The following SIMC1 variants were observed in gnomAD, a reference collection of about 807,000 sequenced individuals.
SIMC1 encodes SUMO interacting motifs containing 1.
Under a neutral mutation model 82.3 loss-of-function variants are expected in SIMC1, and 55 were observed. The observed-to-expected ratio is 0.67, with a 90% CI of 0.54 to 0.84. SIMC1 has a LOEUF of 0.84. Among genes scored for constraint, SIMC1 ranks in the 40% least tolerant of loss-of-function variants. SIMC1 has a pLI of 0.00. For synonymous variants in SIMC1, 353 were observed against 426.3 expected (o/e 0.83, Z 2.12); for missense variants, 915 against 1,107.2 (o/e 0.83, Z 2.46).
intron 4 of SIMC1, among the ~76,000 whole-genome samples, chr5:176,301,937 G>T (rs1353868041): frequency 2.0e-5 from 3 of 152,156 alleles, no homozygotes; most frequent in African/African-American, 7.2e-5. Flanking sequence ...ACTACATGGG[G>T]GGACTGGTTC....
intron 7 of SIMC1, among the ~76,000 whole-genome samples, chr5:176,325,974 A>G (rs117975025): frequency 1.3e-5 from 2 of 152,352 alleles, no homozygotes; most frequent in East Asian, 3.9e-4. Flanking sequence ...AGGGATAAAG[A>G]AATGGTTTTT....
At chr5:176,334,993 AG>A (rs1765820674) in intron 7 of SIMC1, among the ~76,000 whole-genome samples, 1 of 150,146 alleles carries the variant, frequency 6.7e-6, no homozygotes, top group African/African-American at 2.5e-5. Flanking sequence ...CAGGAGGCTG[AG>A]GTAGGAGAAT....
At chr5:176,279,950 G>T (rs958951655) in intron 1 of SIMC1, among the ~76,000 whole-genome samples, 3 of 152,208 alleles carry the variant, frequency 2.0e-5, no homozygotes, top group Non-Finnish European at 4.4e-5. Context: ...TGTATATTCT[G>T]TTGATTTGGG....
chr5:176,277,966 T>C (rs563229709), intron 1 of SIMC1, among the ~76,000 whole-genome samples: 16,503 of 145,728 alleles, frequency 0.11, 871 homozygotes, highest in Admixed American at 0.14. Flanking sequence ...TTTAAAGTAG[T>C]TTTTTCCAAT....
rs1279387563 is a variant in SIMC1 at position 176,275,187 on chromosome 5, T to C, written c.130-14467T>C. On this transcript the variant is annotated intron_variant, in intron 1 of 9. Coordinates refer to ENST00000429602, the MANE Select transcript of SIMC1 (RefSeq NM_001308195.2). The stretch of plus-strand genomic sequence containing the variant: ...TTTGTAGTTCTCCTTGAAGAGGTCC[T>C]TCACGTCCCTTGTAAGTTGGATTCC... 4.9e-4 allele frequency among the ~76,000 whole-genome samples: 74 copies of C among 151,738 alleles called. 1 individual carries two copies. Among genetic ancestry groups the C allele is most frequent in the Admixed American group, 4.9e-3 (74 of 15,254 alleles).
chr5:176,274,312 A>C lies in SIMC1; in HGVS notation c.130-15342A>C, dbSNP rs1243661809. ...GCTGCATAAATGTCTTCTTTTGAGA[A>C]GTGTCTGTTCATGTCCTTCGCCCAC... On this transcript the variant is annotated intron_variant, in intron 1 of 9. Transcript: ENST00000429602. 2.9e-3 allele frequency among the ~76,000 whole-genome samples: 419 copies of C among 146,936 alleles called. 3 individuals are homozygous for C. Among genetic ancestry groups the C allele is most frequent in the African/African-American group, 9.9e-3 (395 of 40,024 alleles).
chr5:176,262,184 A>G (rs1370193652), intron 1 of SIMC1, among the ~76,000 whole-genome samples: 1 of 151,514 alleles, frequency 6.6e-6, no homozygotes, highest in South Asian at 2.1e-4. Flanking sequence ...AATTAAATCC[A>G]TTAATGCAAT....
chr5:176,306,286 G>T (rs1413894618), intron 4 of SIMC1, among the ~76,000 whole-genome samples: 1 of 134,648 alleles, frequency 7.4e-6, no homozygotes, highest in Non-Finnish European at 1.7e-5. Flanking sequence ...CCGGGAGGGA[G>T]GTGGGGGGGT....
At chr5:176,279,760 C>G (rs936987124) in intron 1 of SIMC1, among the ~76,000 whole-genome samples, 4 of 151,406 alleles carry the variant, frequency 2.6e-5, no homozygotes, top group African/African-American at 9.7e-5. Flanking sequence ...GCAGGTTGTT[C>G]AGTTTCCATG....
intron 9 of SIMC1, among the ~76,000 whole-genome samples, chr5:176,338,507 T>G (rs1020852822): frequency 2.6e-5 from 4 of 152,140 alleles, no homozygotes; most frequent in Admixed American, 2.0e-4. Flanking sequence ...TTTAGTAGAT[T>G]AGATAACATT....
intron 1 of SIMC1, among the ~76,000 whole-genome samples, chr5:176,269,139 A>C (rs1269465641): frequency 2.6e-5 from 4 of 152,194 alleles, no homozygotes; most frequent in African/African-American, 4.8e-5. Context: ...AAAAGAAAAA[A>C]GTCTAAACCT....
intron 1 of SIMC1, among the ~76,000 whole-genome samples, chr5:176,253,434 G>T (rs367769623): frequency 2.0e-5 from 3 of 151,928 alleles, no homozygotes; most frequent in Admixed American, 1.3e-4. Flanking sequence ...GCCTAGTCTC[G>T]AACTCCTGAC....
At chr5:176,300,613 C>A (rs1307154717) in intron 4 of SIMC1, among the ~76,000 whole-genome samples, 1 of 151,966 alleles carries the variant, frequency 6.6e-6, no homozygotes, top group Non-Finnish European at 1.5e-5. Context: ...TGAGCCACTG[C>A]ACCCAGCCAC....
At chr5:176,276,372 T>C (rs1762696932) in intron 1 of SIMC1, among the ~76,000 whole-genome samples, 1 of 151,664 alleles carries the variant, frequency 6.6e-6, no homozygotes, top group South Asian at 2.1e-4. Context: ...TTTTTTTCTT[T>C]ATTAGTCTTG....
In SIMC1 at chr5:176,309,433, A is replaced by G. The variant is rs191853801; in HGVS notation, c.1735-4258A>G. Among the ~76,000 whole-genome samples, 20 of 152,360 alleles carry G rather than the reference A, an allele frequency of 1.3e-4. No homozygotes were observed. The East Asian group carries it at 3.7e-3, about 28-fold the overall frequency. On this transcript the variant is annotated intron_variant, in intron 4 of 9. Coordinates refer to ENST00000429602, the MANE Select transcript of SIMC1 (RefSeq NM_001308195.2). ...AAACTATACAACTTTGAAAAAAGCC[A>G]CAGGAGAAAAATCTTCAGGATCTTG...
intron 4 of SIMC1, among the ~76,000 whole-genome samples, chr5:176,306,001 C>T (rs1435106237): frequency 3.1e-5 from 2 of 65,332 alleles, no homozygotes; most frequent in Admixed American, 1.2e-4. Flanking sequence ...CAGCCCCCCG[C>T]CCGGCCAGCC....
chr5:176,252,389 G>A (rs1177577170), intron 1 of SIMC1, among the ~76,000 whole-genome samples: 98 of 150,818 alleles, frequency 6.5e-4, no homozygotes, highest in African/African-American at 2.2e-3. Context: ...CAGACGGGGC[G>A]GTTGCCAGGC....
intron 1 of SIMC1, among the ~76,000 whole-genome samples, chr5:176,257,243 T>C (rs1761875740): frequency 6.6e-6 from 1 of 152,244 alleles, no homozygotes. Flanking sequence ...AAGAAATCCC[T>C]GAGAATACTC....
chr5:176,306,279 G>T (rs188099201), intron 4 of SIMC1, among the ~76,000 whole-genome samples: 3,370 of 128,984 alleles, frequency 0.026, 81 homozygotes, highest in Middle Eastern at 0.057. Flanking sequence ...GCCCCGTCCG[G>T]GAGGGAGGTG....
Sources: gnomAD v4.1 joint callset for allele counts (sites outside exome capture counted in the v4.1 genomes callset) on GRCh38, gnomAD v4.1.1 for gene constraint, MANE v1.5 for transcripts, NCBI Gene and HGNC (gene_info 2026-07-23, HGNC 2026-07-21) for gene names.